LTBP1: variants seen among roughly 807,000 people sequenced by gnomAD.
The protein encoded by LTBP1 is latent-transforming growth factor beta-binding protein 1.
Under a neutral mutation model 207.6 loss-of-function variants are expected in LTBP1, and 129 were observed. That is an observed-to-expected ratio of 0.62 (90% CI 0.54 to 0.72). LTBP1 has a LOEUF of 0.72. LTBP1 is among the 30% of genes least tolerant of loss of function. The pLI, the probability that LTBP1 is intolerant of heterozygous loss-of-function variation, is 0.00. For synonymous variants in LTBP1, 963 were observed against 833.7 expected, an observed-to-expected ratio of 1.16 and a Z score of -2.67; for missense variants, 2,281 against 2,217.2, an observed-to-expected ratio of 1.03 and a Z score of -0.58.
intron 3 of LTBP1, among the ~76,000 whole-genome samples, chr2:33,044,068 A>G (rs565371844): frequency 6.6e-6 from 1 of 152,192 alleles, no homozygotes; most frequent in Admixed American, 6.5e-5. Context: ...AGCCTTTAAA[A>G]ATGTTCAAAA....
chr2:33,051,076 C>G (rs754257274), intron 3 of LTBP1, among the ~76,000 whole-genome samples: 1 of 152,056 alleles, frequency 6.6e-6, no homozygotes, highest in South Asian at 2.1e-4. Flanking sequence ...TTCTTCACAC[C>G]ATGATTGTGA....
At chr2:33,015,880 A>T (rs1018655938) in intron 2 of LTBP1, among the ~76,000 whole-genome samples, 1 of 152,088 alleles carries the variant, frequency 6.6e-6, no homozygotes, top group Non-Finnish European at 1.5e-5. Flanking sequence ...CACACTTTTG[A>T]ACAACCAGAT....
chr2:33,317,781 TGAAG>T (rs2094293904), intron 24 of LTBP1: 2 of 152,316 alleles, frequency 1.3e-5, no homozygotes, highest in East Asian at 3.9e-4. Flanking sequence ...CCCACATAGC[TGAAG>T]GAAGGAGGGC....
At chr2:33,116,422 A>G (rs1176591752) in intron 4 of LTBP1, among the ~76,000 whole-genome samples, 1 of 152,230 alleles carries the variant, frequency 6.6e-6, no homozygotes, top group African/African-American at 2.4e-5. Context: ...CATGTTTTAT[A>G]CAGTAACTTC....
intron 11 of LTBP1, among the ~76,000 whole-genome samples, chr2:33,256,075 A>G (rs920944834): frequency 4.1e-5 from 6 of 146,658 alleles, no homozygotes; most frequent in African/African-American, 1.5e-4. Flanking sequence ...TGCTGAGTCT[A>G]CTTTTTTTTT....
chr2:33,153,273 T>C (rs78909505), intron 5 of LTBP1, among the ~76,000 whole-genome samples: 2,262 of 152,302 alleles, frequency 0.015, 23 homozygotes, highest in East Asian at 0.027. Flanking sequence ...AGTTAAGGCC[T>C]GAAAGATTTC....
chr2:33,388,985 G>C (rs537971540), intron 31 of LTBP1, among the ~76,000 whole-genome samples, 199 bp from the exon 32 acceptor site: 7 of 152,284 alleles, frequency 4.6e-5, no homozygotes, highest in African/African-American at 1.4e-4. Context: ...TAATTATGCT[G>C]TACAGCAGTC....
chr2:33,041,349 A>G (rs1308065734), intron 3 of LTBP1, among the ~76,000 whole-genome samples: 2 of 151,702 alleles, frequency 1.3e-5, no homozygotes, highest in Admixed American at 1.3e-4. Flanking sequence ...CAGTGGCATG[A>G]TCTCGGCTCA....
At chr2:33,302,578 T>C (rs540282667) in intron 22 of LTBP1, among the ~76,000 whole-genome samples, 1 of 152,302 alleles carries the variant, frequency 6.6e-6, no homozygotes, top group South Asian at 2.1e-4. Context: ...CAGTCACAAG[T>C]GGCTGAGCCC....
chr2:33,163,335 G>A (rs1249889435), intron 5 of LTBP1, among the ~76,000 whole-genome samples: 1 of 152,198 alleles, frequency 6.6e-6, no homozygotes, highest in East Asian at 1.9e-4. Context: ...TGCTAGAAAT[G>A]ATGGCAAGAG....
In LTBP1 at chr2:33,134,405, C is replaced by G; in HGVS notation, c.1034-388C>G. On this transcript the variant is annotated intron_variant, in intron 4 of 33. Coordinates refer to ENST00000404816, the MANE Select transcript of LTBP1 (RefSeq NM_206943.4). This position sits in a 1 kb window ranked among gnomAD's most constrained non-coding sequence, Gnocchi z 4.4. ...GTTTATTCACCGCTAGGTGCACGGC[C>G]AACCCCTTTGCATTACATCTGCCTG... The G allele has an allele frequency of 1.9e-6, 1 of 528,142 alleles. No individual in the cohort carries two copies. The highest frequency in any genetic ancestry group is 3.7e-6 in the Non-Finnish European group (1 of 273,570). 32.7% of individuals were successfully genotyped at this position (528,142 alleles called of 1,614,324 possible).
intron 3 of LTBP1, among the ~76,000 whole-genome samples, chr2:33,023,245 A>T (rs1053086103): frequency 1.3e-4 from 20 of 152,250 alleles, no homozygotes; most frequent in African/African-American, 3.6e-4. Flanking sequence ...CATAAACTGT[A>T]AAGTAATTTA....
At chr2:33,019,687 T>C (rs149497668) in intron 2 of LTBP1, among the ~76,000 whole-genome samples, 2 of 151,202 alleles carry the variant, frequency 1.3e-5, no homozygotes, top group African/African-American at 4.9e-5. Flanking sequence ...CTACTTACTC[T>C]ACCAATGACC....
At chr2:33,257,134 A>G in intron 11 of LTBP1, 150 bp from the exon 12 acceptor site, 1 of 624,020 alleles carries the variant, frequency 1.6e-6, no homozygotes, top group South Asian at 2.6e-5. Context: ...AATTCGAGCA[A>G]TTTGCTTACA....
intron 31 of LTBP1, among the ~76,000 whole-genome samples, chr2:33,370,303 A>G (rs2095051434): frequency 6.6e-6 from 1 of 152,250 alleles, no homozygotes; most frequent in South Asian, 2.1e-4. Context: ...TTAAGCGTAG[A>G]CAAATGCAGA....
At position 33,385,081 on chromosome 2, in the gene LTBP1, G is replaced by C. The variant is rs565588780; in HGVS notation, c.4712-4103G>C. Among the ~76,000 whole-genome samples, 4 of 152,232 alleles carry C rather than the reference G, an allele frequency of 2.6e-5. No homozygotes were observed. The South Asian group carries it at 8.3e-4, about 32-fold the overall frequency. Reference sequence around the variant, plus strand: ...ATTCTTGGACATCAGTTTTTCCCCTGTACTTTGAGTTCTGATGATCTAATG... The same window carrying C: ...ATTCTTGGACATCAGTTTTTCCCCTCTACTTTGAGTTCTGATGATCTAATG... On this transcript the variant is annotated intron_variant, in intron 31 of 33. Transcript: ENST00000404816.
rs2094950710 is a variant in LTBP1 at position 33,363,586 on chromosome 2, T to A, written c.4399+68T>A. On this transcript the variant is annotated intron_variant, in intron 29 of 33. Transcript: ENST00000404816. ...ACAGATGGAAAAAATAACTATGCTATGTAGTAAAAACAATTTCCTTGAATC... is the reference window on the plus strand; with the variant it reads ...ACAGATGGAAAAAATAACTATGCTAAGTAGTAAAAACAATTTCCTTGAATC... The A allele has an allele frequency of 6.7e-6, 10 of 1,482,074 alleles. No homozygotes were observed. In the South Asian group the frequency reaches 1.4e-4, roughly 21 times the overall value. 91.8% of individuals were successfully genotyped at this position (1,482,074 alleles called of 1,614,324 possible).
At chr2:33,191,070 C>G (rs2087813638) in intron 7 of LTBP1, among the ~76,000 whole-genome samples, 1 of 152,132 alleles carries the variant, frequency 6.6e-6, no homozygotes, top group Non-Finnish European at 1.5e-5. Context: ...TTTATTCATT[C>G]CAGCTTAGGT....
chr2:32,977,459 T>C (rs966683365), intron 2 of LTBP1, among the ~76,000 whole-genome samples: 1 of 152,212 alleles, frequency 6.6e-6, no homozygotes, highest in Non-Finnish European at 1.5e-5. Flanking sequence ...TGAGGGCGGC[T>C]GGAGCAATCT....
Sources: allele counts gnomAD v4.1 joint callset (sites outside exome capture counted in the v4.1 genomes callset), GRCh38; gene constraint gnomAD v4.1.1; non-coding constraint Gnocchi (gnomAD v3.1); transcripts MANE v1.5; gene names NCBI Gene and HGNC (gene_info 2026-07-23, HGNC 2026-07-21).